FGF13: variants seen among roughly 807,000 people sequenced by gnomAD.
FGF13 encodes fibroblast growth factor 13, also known as fibroblast growth factor homologous factor 2.
In FGF13, 2 loss-of-function variants were observed where a neutral mutation model predicts 19.5. The observed-to-expected ratio is 0.10, with a 90% CI of 0.04 to 0.32. The LOEUF (loss-of-function observed/expected upper bound fraction) is 0.32. Among genes scored for constraint, FGF13 ranks in the 10% least tolerant of loss-of-function variants. The pLI is 1.00. For missense variants in FGF13, 113 were observed against 192.7 expected (o/e 0.59, Z 2.45); for synonymous variants, 72 against 76.9 (o/e 0.94, Z 0.33).
chrX:138,977,239 G>C (rs1005252458), intron 1 of FGF13, among the ~76,000 whole-genome samples: 2 of 111,481 alleles, frequency 1.8e-5, no homozygotes, highest in African/African-American at 6.5e-5. Flanking sequence ...AATGCAATTC[G>C]TTTTCTTGAC....
At position 138,815,443 on chromosome X, in the gene FGF13, C is replaced by T. The variant is rs190743283; in HGVS notation, c.217+42069G>A. ...AATGTCACACCGTACATTGTAAATA[C>T]GTAAAATTTTTATTGGTCAATTATA... On this transcript the variant is annotated intron_variant, in intron 3 of 6. Coordinates refer to the FGF13 transcript ENST00000436198. 2.1e-3 allele frequency among the ~76,000 whole-genome samples: 233 copies of T among 109,696 alleles called. 1 individual carries two copies. The highest frequency in any genetic ancestry group is 3.7e-3 in the Non-Finnish European group (194 of 52,583).
intron 1 of FGF13, among the ~76,000 whole-genome samples, chrX:138,879,563 G>T (rs2091410952): frequency 9.0e-6 from 1 of 111,347 alleles, no homozygotes; most frequent in Non-Finnish European, 1.9e-5. Context: ...GAATGTGCAG[G>T]TTTGTTACAT....
At chrX:139,045,847 C>A (rs2092285597) in intron 1 of FGF13, among the ~76,000 whole-genome samples, 1 of 111,831 alleles carries the variant, frequency 8.9e-6, no homozygotes, top group Admixed American at 9.5e-5. Context: ...TTGGTCACAA[C>A]CATTTAACCA....
chrX:139,204,633 TC>T (rs1436447911), upstream of FGF13, among the ~76,000 whole-genome samples: 5 of 112,827 alleles, frequency 4.4e-5, no homozygotes, highest in Non-Finnish European at 7.5e-5. Context: ...GCCAACTCGA[TC>T]AAAATAAAAC....
chrX:138,796,817 T>C (rs1181612628), intron 3 of FGF13, among the ~76,000 whole-genome samples: 1 of 112,450 alleles, frequency 8.9e-6, no homozygotes, highest in Admixed American at 9.4e-5. Context: ...CCAGTGATGA[T>C]GAGTTTTTTT....
intron 1 of FGF13, among the ~76,000 whole-genome samples, chrX:138,904,068 G>A (rs776912874): frequency 3.5e-4 from 39 of 111,946 alleles, no homozygotes; most frequent in African/African-American, 1.3e-3. Context: ...TGGCAGATAT[G>A]ATTGTTCTGC....
At chrX:138,957,039 G>A (rs1426434008) in intron 1 of FGF13, among the ~76,000 whole-genome samples, 7 of 111,536 alleles carry the variant, frequency 6.3e-5, no homozygotes, top group Middle Eastern at 4.6e-3. Flanking sequence ...TTCAGTACAC[G>A]TTAGGACATT....
intron 1 of FGF13, among the ~76,000 whole-genome samples, chrX:138,952,809 CA>C (rs2091820484): frequency 9.0e-6 from 1 of 111,218 alleles, no homozygotes; most frequent in South Asian, 3.8e-4. Flanking sequence ...TTTATGCAGC[CA>C]AAAGACACAT....
intron 1 of FGF13, among the ~76,000 whole-genome samples, chrX:139,169,646 A>G (rs2084113959): frequency 9.0e-6 from 1 of 110,952 alleles, no homozygotes; most frequent in Admixed American, 9.7e-5. Flanking sequence ...TAGAACCCAG[A>G]AATTCCTTTC....
intron 1 of FGF13, among the ~76,000 whole-genome samples, chrX:139,179,918 T>C (rs1387523348): frequency 8.8e-6 from 1 of 113,375 alleles, no homozygotes; most frequent in Non-Finnish European, 1.9e-5. Context: ...CCCCATAGTA[T>C]GCCAAAAGCA....
intron 1 of FGF13, among the ~76,000 whole-genome samples, chrX:139,017,097 C>T (rs199553569): frequency 1.0e-4 from 6 of 58,265 alleles, no homozygotes; most frequent in South Asian, 8.2e-4. Flanking sequence ...TATATATATA[C>T]ACACACACAT....
intron 1 of FGF13, among the ~76,000 whole-genome samples, chrX:138,901,849 T>A (rs1253678163): frequency 8.9e-6 from 1 of 112,082 alleles, no homozygotes; most frequent in Non-Finnish European, 1.9e-5. Flanking sequence ...TGGAGTAGGA[T>A]GTAAGAAAAA....
chrX:138,636,150 G>T (rs2089181590), intron 3 of FGF13, among the ~76,000 whole-genome samples: 1 of 112,204 alleles, frequency 8.9e-6, no homozygotes, highest in Non-Finnish European at 1.9e-5. Flanking sequence ...ATTTCTAAAA[G>T]AATGCTACAA....
rs932720746 is a variant in FGF13, at chrX:138,617,901, C to G, written c.*14949G>C. ...GAGGCTGCAGTGAGCTGCGATTGTG[C>G]CACTGTAATCCATCCTGGGTGACAG... On this transcript the variant is annotated 3_prime_UTR_variant, in exon 5 of 5. Transcript: ENST00000315930. 9.0e-6 allele frequency: 1 copy of G among 110,695 alleles called. No individual in the cohort carries two copies. 9.1% of individuals were successfully genotyped at this position (110,695 alleles called of 1,213,427 possible). A position where few individuals can be genotyped will look rare whatever the true frequency, so the allele number is the denominator to read the frequency against.
intron 3 of FGF13, among the ~76,000 whole-genome samples, chrX:138,747,405 G>A (rs1405940123): frequency 8.9e-6 from 1 of 111,880 alleles, no homozygotes. Flanking sequence ...AAGGTCCTGT[G>A]ATCAGTGAGT....
At chrX:139,165,917 T>G (rs1248636157) in intron 1 of FGF13, among the ~76,000 whole-genome samples, 1 of 112,069 alleles carries the variant, frequency 8.9e-6, no homozygotes, top group East Asian at 2.8e-4. Flanking sequence ...ACCCAATGCC[T>G]GTACCTCCAT....
intron 1 of FGF13, among the ~76,000 whole-genome samples, chrX:138,871,437 G>T (rs2091356793): frequency 8.9e-6 from 1 of 112,045 alleles, no homozygotes; most frequent in Non-Finnish European, 1.9e-5. Context: ...GAGGAGTAAA[G>T]AGACAGTAAA....
At chrX:139,067,156 A>G (rs1431206790) in intron 1 of FGF13, among the ~76,000 whole-genome samples, 6 of 111,969 alleles carry the variant, frequency 5.4e-5, no homozygotes, top group African/African-American at 2.0e-4. Context: ...GCTATTTATG[A>G]CAAACCCACA....
At chrX:138,719,023 C>T (rs1054022140) in intron 1 of FGF13, among the ~76,000 whole-genome samples, 3 of 112,485 alleles carry the variant, frequency 2.7e-5, no homozygotes, top group African/African-American at 9.7e-5. Flanking sequence ...AGTGATATGA[C>T]TCTGGTTTCC....
Sources: gnomAD v4.1 joint callset for allele counts (sites outside exome capture counted in the v4.1 genomes callset) on GRCh38, gnomAD v4.1.1 for gene constraint, MANE v1.5 for transcripts, NCBI Gene and HGNC (gene_info 2026-07-23, HGNC 2026-07-21) for gene names.